Variants in ZNF778 observed in about 807,000 individuals in gnomAD.
ZNF778 encodes the protein zinc finger protein 778.
A neutral mutation model predicts 23.9 loss-of-function variants in ZNF778; 37 were observed. The ratio of observed to expected loss-of-function variants is 1.54; its 90% CI spans 1.19 to 2.03. The LOEUF (loss-of-function observed/expected upper bound fraction) is 2.03, where lower values mean the gene tolerates loss of function less well. Ranked by LOEUF, ZNF778 falls within the 30% of genes most tolerant of loss-of-function variation. ZNF778 has a pLI of 0.00. For synonymous variants in ZNF778, 483 were observed against 343.9 expected (o/e 1.40, Z -4.48); for missense variants, 1,297 against 934.4 (o/e 1.39, Z -5.06).
In ZNF778 at chr16:89,221,005, G is replaced by T; in HGVS notation, c.-123G>T. On this transcript the variant is annotated 5_prime_UTR_variant, in exon 2 of 7. Coordinates refer to ENST00000433976, the MANE Select transcript of ZNF778 (RefSeq NM_001201407.2). ...TTCATCATGATTGCTAGGAAATAGG[G>T]ATCCAGCCATCCGTGGGTCAGGAGG... 9.7e-7 allele frequency: 1 copy of T among 1,027,670 alleles called. No homozygotes were observed. The highest frequency in any genetic ancestry group is 1.4e-6 in the Non-Finnish European group (1 of 689,664). The allele number at this position is 1,027,670 out of a possible 1,614,324, so 63.7% of individuals were successfully genotyped here.
Position 89,227,382 on chromosome 16 carries a change from ATGAATGTAAGGAC to A in ZNF778, c.1097_1109del (p.Glu366ValfsTer11). The A allele has an allele frequency of 6.2e-7, 1 of 1,614,010 alleles. No individual in the cohort carries two copies. The highest frequency in any genetic ancestry group is 8.5e-7 in the Non-Finnish European group (1 of 1,179,868). On this transcript the variant is annotated frameshift_variant, in exon 7 of 7. Transcript: ENST00000433976. LOFTEE classifies it low-confidence loss of function (END_TRUNC). ...CAAACAGACCCTGGACAGAAGCCCT[ATGAATGTAAGGAC>A]TGTGGGAAAGCCTGCGGTGGGTTTT...
Position 89,231,451 on chromosome 16 carries a change from A to C in ZNF778, c.*2889A>C, listed in dbSNP as rs74035759. The C allele has an allele frequency of 0.06, 9,133 of 152,232 alleles. 695 individuals carry two copies. Among genetic ancestry groups the C allele is most frequent in the African/African-American group, 0.18 (7,297 of 41,452 alleles). 9.4% of individuals were successfully genotyped at this position (152,232 alleles called of 1,614,324 possible). ...CTGTTGGTGGAGACATCACCCCAGC[A>C]CAGACCTCAATTAAGACGACTACCC... On this transcript the variant is annotated 3_prime_UTR_variant, in exon 7 of 7. Coordinates refer to ENST00000433976, the MANE Select transcript of ZNF778 (RefSeq NM_001201407.2).
Position 89,229,342 on chromosome 16 carries a change from T to C in ZNF778, c.*780T>C, listed in dbSNP as rs932761078. The C allele has an allele frequency of 1.0e-6, 1 of 983,840 alleles. No homozygotes were observed. The highest frequency in any genetic ancestry group is 1.8e-5 in the African/African-American group (1 of 56,504). The allele number at this position is 983,840 out of a possible 1,614,324, so 60.9% of individuals were successfully genotyped here. A position where few individuals can be genotyped will look rare whatever the true frequency, so the allele number is the denominator to read the frequency against. On this transcript the variant is annotated 3_prime_UTR_variant, in exon 7 of 7. Coordinates refer to ENST00000433976, the MANE Select transcript of ZNF778 (RefSeq NM_001201407.2). The stretch of plus-strand genomic sequence containing the variant: ...AGCTCTGGTTGGTTAGTCTTCAGGA[T>C]CCAGATGTGATCTTGTGTGAGCACT...
chr16:89,222,222 G>T, intron 3 of ZNF778, 39 bp downstream of exon 3: 1 of 1,486,744 alleles, frequency 6.7e-7, no homozygotes, highest in South Asian at 1.2e-5. Context: ...ATAACATACT[G>T]GTATTCAGCA....
chr16:89,234,283 G>C lies in ZNF778; in HGVS notation c.*5721G>C, dbSNP rs1046368926. The C allele has an allele frequency of 3.2e-5, 11 of 347,726 alleles. No individual in the cohort carries two copies. Among genetic ancestry groups the C allele is most frequent in the Admixed American group, 2.0e-4 (5 of 25,476 alleles). The allele number at this position is 347,726 out of a possible 1,614,324, so 21.5% of individuals were successfully genotyped here. A position where few individuals can be genotyped will look rare whatever the true frequency, so the allele number is the denominator to read the frequency against. ...CAGCCCAGGGATTCTTGAACTATCT[G>C]TAGGAACTGCCATGTTGACTCCTGG... On this transcript the variant is annotated 3_prime_UTR_variant, in exon 7 of 7. Coordinates refer to ENST00000433976, the MANE Select transcript of ZNF778 (RefSeq NM_001201407.2).
At position 89,232,692 on chromosome 16, in the gene ZNF778, G is replaced by C; in HGVS notation, c.*4130G>C. ...ATTTTCATCCTGGGGTCTTGCTGTG[G>C]GGGCTAGACCGTCCCTCTCAGGCTA... On this transcript the variant is annotated 3_prime_UTR_variant, in exon 7 of 7. Transcript: ENST00000433976. The C allele has an allele frequency of 8.0e-7, 1 of 1,248,722 alleles. No individual in the cohort carries two copies. The highest frequency in any genetic ancestry group is 1.0e-6 in the Non-Finnish European group (1 of 964,204). 77.4% of individuals were successfully genotyped at this position (1,248,722 alleles called of 1,614,324 possible).
At chr16:89,224,676 C>T in intron 4 of ZNF778, 43 bp from the exon 5 acceptor site, 1 of 1,434,082 alleles carries the variant, frequency 7.0e-7, no homozygotes, top group South Asian at 1.2e-5. Context: ...TTGTCATCCC[C>T]TGCCTGAGCC....
chr16:89,219,756 G>T (rs1162101230), intron 1 of ZNF778, among the ~76,000 whole-genome samples: 3 of 152,256 alleles, frequency 2.0e-5, no homozygotes, highest in African/African-American at 7.2e-5. Flanking sequence ...ACTTGGCACT[G>T]GCAGCCTTAC....
Position 89,224,595 on chromosome 16 carries a change from G to C in ZNF778, c.245-124G>C, listed in dbSNP as rs1301363561. 28 of 678,274 alleles carry C rather than the reference G, an allele frequency of 4.1e-5. No homozygotes were observed. The East Asian group carries it at 8.3e-4, about 20-fold the overall frequency. The allele number at this position is 678,274 out of a possible 1,614,324, so 42.0% of individuals were successfully genotyped here. On this transcript the variant is annotated intron_variant, in intron 4 of 6. Coordinates refer to ENST00000433976, the MANE Select transcript of ZNF778 (RefSeq NM_001201407.2). The stretch of plus-strand genomic sequence containing the variant: ...GATTGCACCACTGCACTCCAGCCTG[G>C]GCAACAGCGCGAGACGCTGTCTCAA...
intron 6 of ZNF778, 101 bp from the exon 7 acceptor site, chr16:89,226,591 GGC>G: frequency 9.4e-7 from 1 of 1,069,472 alleles, no homozygotes; most frequent in Non-Finnish European, 1.3e-6. Context: ...TTATGAAAAT[GGC>G]AAAAATCGTA....
Position 89,228,556 on chromosome 16 carries a change from T to A in ZNF778, c.2268T>A (p.Pro756=). 6.4e-7 allele frequency: 1 copy of A among 1,572,092 alleles called. No homozygotes were observed. Among genetic ancestry groups the A allele is most frequent in the Non-Finnish European group, 8.6e-7 (1 of 1,163,290 alleles). Reference sequence around the variant, plus strand: ...CTCAAATTCACACTGATGAGAAACCTTTCTAATGTAAAGAATGTGGGGAAG... The same window carrying A: ...CTCAAATTCACACTGATGAGAAACCATTCTAATGTAAAGAATGTGGGGAAG... The part of the protein sequence containing the change: ...HHTQIHTDEK[P]F The change falls in exon 7 of 7, where the codon CCT becomes CCA. Residue 756 remains proline (P), a synonymous_variant. Coordinates refer to ENST00000433976, the MANE Select transcript of ZNF778 (RefSeq NM_001201407.2).
chr16:89,220,965 G>C, intron 1 of ZNF778, 32 bp from the exon 2 acceptor site: 3 of 703,588 alleles, frequency 4.3e-6, no homozygotes, highest in Non-Finnish European at 7.2e-6. Context: ...TTTGATAACT[G>C]GGAAGTAATG....
chr16:89,228,082 C>G lies in ZNF778; in HGVS notation c.1794C>G (p.Phe598Leu). ...PYECKDCGKTFTVSSSLTEHI... is the reference protein window; with the variant it reads ...PYECKDCGKTLTVSSSLTEHI... ...AATGTAAGGACTGTGGGAAAACATT[C>G]ACTGTTTCTTCGAGCCTAACCGAGC... The change falls in exon 7 of 7, where the codon TTC becomes TTG. Residue 598 changes from phenylalanine to leucine, a missense_variant. Phe to Leu is a conservative substitution (Grantham distance 22). Transcript: ENST00000433976. 6.2e-7 allele frequency: 1 copy of G among 1,612,908 alleles called. No homozygotes were observed. Among genetic ancestry groups the G allele is most frequent in the Non-Finnish European group, 8.5e-7 (1 of 1,179,134 alleles).
chr16:89,222,167 T>C lies in ZNF778; in HGVS notation c.101T>C (p.Leu34Pro), dbSNP rs765932536. The C allele has an allele frequency of 1.2e-6, 2 of 1,605,210 alleles. No individual in the cohort carries two copies. The highest frequency in any genetic ancestry group is 1.7e-5 in the Admixed American group (1 of 59,036). Residue 34 changes from leucine (L) to proline (P), a missense_variant, in exon 3 of 7, where the codon CTG becomes CCG. Leu to Pro is a moderately conservative substitution (Grantham distance 98). Transcript: ENST00000433976. Reference sequence around the variant, plus strand: ...GCAGCAGGGATGGTGGCTGGCTGGCTGATAAATTGTTACCAGGTATGCCAA... The same window carrying C: ...GCAGCAGGGATGGTGGCTGGCTGGCCGATAAATTGTTACCAGGTATGCCAA... Reference protein sequence around the residue: ...TQAAGMVAGWLINCYQDAVTF... With the variant: ...TQAAGMVAGWPINCYQDAVTF...
rs1303989926 is a variant in ZNF778 at position 89,229,316 on chromosome 16, A to G, written c.*754A>G. On this transcript the variant is annotated 3_prime_UTR_variant, in exon 7 of 7. Coordinates refer to ENST00000433976, the MANE Select transcript of ZNF778 (RefSeq NM_001201407.2). Reference sequence around the variant, plus strand: ...CCAGATGTGATTCTGTGAGCAGTGTAAGCTCTGGTTGGTTAGTCTTCAGGA... The same window carrying G: ...CCAGATGTGATTCTGTGAGCAGTGTGAGCTCTGGTTGGTTAGTCTTCAGGA... The G allele has an allele frequency of 2.0e-6, 2 of 978,710 alleles. No homozygotes were observed. Among genetic ancestry groups the G allele is most frequent in the Non-Finnish European group, 2.4e-6 (2 of 829,064 alleles). 60.6% of individuals were successfully genotyped at this position (978,710 alleles called of 1,614,324 possible).
At chr16:89,221,623 G>A (rs1478256117) in intron 2 of ZNF778, among the ~76,000 whole-genome samples, 1 of 145,894 alleles carries the variant, frequency 6.9e-6, no homozygotes, top group East Asian at 2.0e-4. Flanking sequence ...ATTTTCCTGA[G>A]GGACTATATT....
Position 89,230,870 on chromosome 16 carries a change from G to A in ZNF778, c.*2308G>A, listed in dbSNP as rs926586648. ...TATTACGTGTTTGAAATCCTGGATGGACAGACCCGTCCACCTTCATGTCAC... is the reference window on the plus strand; with the variant it reads ...TATTACGTGTTTGAAATCCTGGATGAACAGACCCGTCCACCTTCATGTCAC... On this transcript the variant is annotated 3_prime_UTR_variant, in exon 7 of 7. Transcript: ENST00000433976. The A allele has an allele frequency of 2.6e-5, 4 of 152,294 alleles. No homozygotes were observed. The highest frequency in any genetic ancestry group is 4.8e-5 in the African/African-American group (2 of 41,452). 9.4% of individuals were successfully genotyped at this position (152,294 alleles called of 1,614,324 possible).
intron 6 of ZNF778, 23 bp downstream of exon 6, chr16:89,225,654 T>A: frequency 6.3e-7 from 1 of 1,594,136 alleles, no homozygotes. Context: ...AGAGAGATTT[T>A]TTTATTTATC....
In ZNF778 at chr16:89,233,859, A is replaced by G. The variant is rs1195074772; in HGVS notation, c.*5297A>G. On this transcript the variant is annotated 3_prime_UTR_variant, in exon 7 of 7. Coordinates refer to ENST00000433976, the MANE Select transcript of ZNF778 (RefSeq NM_001201407.2). ...TTATTTCCGGCCACTTCCTTTTTCT[A>G]ACTACCACACCAAGCCAGTATTTCT... is the stretch of plus-strand genomic sequence containing the variant. 1.2e-5 allele frequency: 16 copies of G among 1,289,864 alleles called. No homozygotes were observed. Among genetic ancestry groups the G allele is most frequent in the African/African-American group, 1.5e-5 (1 of 65,858 alleles). The allele number at this position is 1,289,864 out of a possible 1,614,324, so 79.9% of individuals were successfully genotyped here.
Sources: gnomAD v4.1 joint callset for allele counts (sites outside exome capture counted in the v4.1 genomes callset) on GRCh38, gnomAD v4.1.1 for gene constraint, MANE v1.5 for transcripts, NCBI Gene and HGNC (gene_info 2026-07-23, HGNC 2026-07-21) for gene names.